ZNF124: variants seen among roughly 807,000 people sequenced by gnomAD.
ZNF124 encodes the protein zinc finger protein HZF-16.
ZNF124 carries 25 observed loss-of-function variants against 26.6 expected under a neutral mutation model. The observed-to-expected ratio is 0.94, with a 90% CI of 0.68 to 1.31. The LOEUF (loss-of-function observed/expected upper bound fraction) is 1.31, where lower values mean the gene tolerates loss of function less well. Among genes scored for constraint, ZNF124 ranks in the 40% most tolerant of loss-of-function variants. The pLI is 0.00. For missense variants in ZNF124, 444 were observed against 422.2 expected, an observed-to-expected ratio of 1.05 and a Z score of -0.45; for synonymous variants, 129 against 133.3, an observed-to-expected ratio of 0.97 and a Z score of 0.22.
intron 3 of ZNF124, among the ~76,000 whole-genome samples, chr1:247,131,441 C>A (rs886138508): frequency 6.6e-6 from 1 of 152,182 alleles, no homozygotes; most frequent in African/African-American, 2.4e-5. Flanking sequence ...GAGGGGCAAC[C>A]AGCACTGGCC....
At chr1:247,158,088 A>G (rs1466763584) in intron 3 of ZNF124, among the ~76,000 whole-genome samples, 1 of 152,114 alleles carries the variant, frequency 6.6e-6, no homozygotes, top group Admixed American at 6.5e-5. Flanking sequence ...TGTCTCTACT[A>G]AAAATACAAA....
At chr1:247,159,857 G>A in intron 1 of ZNF124, 44 bp from the exon 2 acceptor site, 1 of 1,573,284 alleles carries the variant, frequency 6.4e-7, no homozygotes, top group Non-Finnish European at 8.6e-7. Context: ...GAGACTGAAA[G>A]CACTGGAAAT....
At chr1:247,131,831 A>G (rs1018898386) in intron 3 of ZNF124, among the ~76,000 whole-genome samples, 1 of 152,210 alleles carries the variant, frequency 6.6e-6, no homozygotes, top group Non-Finnish European at 1.5e-5. Flanking sequence ...GCTGACCAGC[A>G]GACTTAGCCT....
At chr1:247,125,854 C>T (rs1022167334) in intron 3 of ZNF124, among the ~76,000 whole-genome samples, 2 of 152,188 alleles carry the variant, frequency 1.3e-5, no homozygotes, top group African/African-American at 4.8e-5. Flanking sequence ...GGCTGGATCT[C>T]ATATTAATTA....
intron 1 of ZNF124, among the ~76,000 whole-genome samples, chr1:247,165,447 G>A (rs1673726756): frequency 6.6e-6 from 1 of 151,986 alleles, no homozygotes; most frequent in Non-Finnish European, 1.5e-5. Flanking sequence ...AAAATTTAAA[G>A]ATAAAAAAAC....
At position 247,168,089 on chromosome 1, in the gene ZNF124, C is replaced by T. The variant is rs1184850141; in HGVS notation, c.30+3759G>A. Among the ~76,000 whole-genome samples the T allele has an allele frequency of 2.0e-5, 3 of 152,190 alleles. No homozygotes were observed. Among genetic ancestry groups the T allele is most frequent in the Non-Finnish European group, 4.4e-5 (3 of 68,034 alleles). ...GTGTGGATGTGGTGAACAGGGAACA[C>T]TTCTACACTGCTGATGGGAGTGTCA... On this transcript the variant is annotated intron_variant, in intron 1 of 3. Coordinates refer to ENST00000543802, the MANE Select transcript of ZNF124 (RefSeq NM_001297568.2). This position sits in a 1 kb window ranked among gnomAD's most constrained non-coding sequence, Gnocchi z 4.0.
intron 1 of ZNF124, among the ~76,000 whole-genome samples, chr1:247,167,646 A>C (rs1673855370): frequency 6.6e-6 from 1 of 151,920 alleles, no homozygotes; most frequent in Non-Finnish European, 1.5e-5. Flanking sequence ...ACTCTTCTAA[A>C]CATTGGCTTG....
At chr1:247,163,566 A>C (rs1673615232) in intron 1 of ZNF124, among the ~76,000 whole-genome samples, 1 of 152,084 alleles carries the variant, frequency 6.6e-6, no homozygotes, top group East Asian at 1.9e-4. Flanking sequence ...CCTGGAAACA[A>C]AAAACCTCCC....
At chr1:247,135,687 G>C (rs751391342) in intron 3 of ZNF124, among the ~76,000 whole-genome samples, 2 of 152,160 alleles carry the variant, frequency 1.3e-5, no homozygotes, top group Non-Finnish European at 2.9e-5. Context: ...TATAAGGCTA[G>C]CATCATCCTG....
chr1:247,156,602 A>AT lies in ZNF124; in HGVS notation c.1019dup (p.His340GlnfsTer8), dbSNP rs574129182. 2.7e-5 allele frequency: 42 copies of AT among 1,559,232 alleles called. 1 individual carries two copies. The South Asian group carries it at 4.9e-4, about 18-fold the overall frequency. ...TACATTTATAGGGCTTTTCTCCAGT[A>AT]TGAGTTTTTTTATGCTTCCAAAGGG... On this transcript the variant is annotated frameshift_variant, in exon 4 of 4. Coordinates refer to ENST00000543802, the MANE Select transcript of ZNF124 (RefSeq NM_001297568.2). LOFTEE classifies it high-confidence loss of function.
intron 3 of ZNF124, among the ~76,000 whole-genome samples, chr1:247,145,211 G>A (rs969326054): frequency 6.6e-6 from 1 of 152,188 alleles, no homozygotes; most frequent in Non-Finnish European, 1.5e-5. Context: ...ATTACATTCA[G>A]TCAACAAATT....
chr1:247,151,006 T>C (rs1672918426), downstream of ZNF124, among the ~76,000 whole-genome samples: 1 of 151,778 alleles, frequency 6.6e-6, no homozygotes, highest in Non-Finnish European at 1.5e-5. Context: ...CCACCATAAA[T>C]CAAGAAGAAA....
At chr1:247,147,559 T>C (rs2103110623) in intron 3 of ZNF124, among the ~76,000 whole-genome samples, 2 of 152,292 alleles carry the variant, frequency 1.3e-5, no homozygotes, top group South Asian at 4.1e-4. Flanking sequence ...GTCTCAATTA[T>C]CAGCTACATC....
chr1:247,124,870 T>C (rs1347456358), intron 3 of ZNF124, among the ~76,000 whole-genome samples: 4 of 152,160 alleles, frequency 2.6e-5, no homozygotes, highest in Admixed American at 1.3e-4. Context: ...TGATCATGGC[T>C]TACTGCATCC....
At chr1:247,137,089 T>C (rs547021121) in intron 3 of ZNF124, among the ~76,000 whole-genome samples, 1 of 152,046 alleles carries the variant, frequency 6.6e-6, no homozygotes, top group Non-Finnish European at 1.5e-5. Flanking sequence ...AGCATGCTAC[T>C]GGTACCAAAA....
intron 3 of ZNF124, among the ~76,000 whole-genome samples, chr1:247,157,711 ACATGGCTCCCTCCCC>A (rs1673232794): frequency 6.6e-6 from 1 of 152,198 alleles, no homozygotes; most frequent in Non-Finnish European, 1.5e-5. Flanking sequence ...TTAGTCTACA[ACATGGCTCCCTCCCC>A]TATAGCTATT....
intron 3 of ZNF124, among the ~76,000 whole-genome samples, chr1:247,143,431 G>A (rs1263583542): frequency 1.3e-5 from 2 of 151,946 alleles, no homozygotes; most frequent in Non-Finnish European, 2.9e-5. Context: ...GGAAGGTGAC[G>A]GATGAACATG....
rs2103102352 is a variant in ZNF124, at chr1:247,135,498, G to A, written c.219-11627C>T. ...ACCCAGGAAGACGTCACATCCCTAAGTAGACCAATAACAAGCTCTGAAATT... is the reference window on the plus strand; with the variant it reads ...ACCCAGGAAGACGTCACATCCCTAAATAGACCAATAACAAGCTCTGAAATT... On this transcript the variant is annotated intron_variant, in intron 3 of 3. Coordinates refer to the ZNF124 transcript ENST00000472531. Among the ~76,000 whole-genome samples the A allele has an allele frequency of 2.6e-5, 4 of 152,180 alleles. No individual in the cohort carries two copies. In the East Asian group the frequency reaches 7.7e-4, roughly 29 times the overall value.
intron 3 of ZNF124, among the ~76,000 whole-genome samples, chr1:247,126,127 A>G (rs10158232): frequency 4.0e-5 from 6 of 151,464 alleles, no homozygotes; most frequent in African/African-American, 9.7e-5. Context: ...ATTATATTGT[A>G]CCCTATTTTA....
Sources: allele counts gnomAD v4.1 joint callset (sites outside exome capture counted in the v4.1 genomes callset), GRCh38; gene constraint gnomAD v4.1.1; non-coding constraint Gnocchi (gnomAD v3.1); transcripts MANE v1.5; gene names NCBI Gene and HGNC (gene_info 2026-07-23, HGNC 2026-07-21).